NRG1: variants seen among roughly 807,000 people sequenced by gnomAD.
NRG1 encodes pro-neuregulin-1, membrane-bound isoform.
NRG1 carries 18 observed loss-of-function variants against 63.8 expected under a neutral mutation model. The observed-to-expected ratio is 0.28, with a 90% CI of 0.19 to 0.42. The LOEUF (loss-of-function observed/expected upper bound fraction) is 0.42, where lower values mean the gene tolerates loss of function less well. NRG1 is among the 10% of genes least tolerant of loss of function. The probability of loss-of-function intolerance (pLI) is 1.00; values close to 1 mark genes in which losing one functional copy is unlikely to be tolerated. For missense variants in NRG1, 762 were observed against 814.7 expected (o/e 0.94, Z 0.79); for synonymous variants, 302 against 301.3 (o/e 1.00, Z -0.02).
intron 1 of NRG1, among the ~76,000 whole-genome samples, chr8:32,253,659 T>C (rs1421566459): frequency 1.3e-5 from 2 of 152,158 alleles, no homozygotes; most frequent in Non-Finnish European, 1.5e-5. Context: ...TTTCTTTTTT[T>C]GTTTTGCCTC....
intron 1 of NRG1, among the ~76,000 whole-genome samples, chr8:31,891,546 G>A (rs1831145760): frequency 6.6e-6 from 1 of 152,160 alleles, no homozygotes; most frequent in Non-Finnish European, 1.5e-5. Context: ...TGCTGGGAAT[G>A]TAAAATAGTA....
intron 1 of NRG1, among the ~76,000 whole-genome samples, chr8:32,561,630 C>T (rs1345403362): frequency 6.6e-6 from 1 of 152,220 alleles, no homozygotes; most frequent in Admixed American, 6.5e-5. Flanking sequence ...ATCCTCAGTG[C>T]TTGTCCCTTG....
At chr8:32,266,467 G>C (rs1466857652) in intron 1 of NRG1, among the ~76,000 whole-genome samples, 1 of 152,142 alleles carries the variant, frequency 6.6e-6, no homozygotes, top group East Asian at 1.9e-4. Context: ...TTCCCAAACT[G>C]TCATGGATTT....
intron 1 of NRG1, among the ~76,000 whole-genome samples, chr8:32,371,362 C>T (rs547854347): frequency 6.6e-6 from 1 of 152,170 alleles, no homozygotes; most frequent in East Asian, 1.9e-4. Flanking sequence ...TCTGTGACTG[C>T]GTGGTCTTTG....
intron 1 of NRG1, among the ~76,000 whole-genome samples, chr8:32,261,301 T>A (rs1424068175): frequency 2.6e-5 from 4 of 151,990 alleles, no homozygotes; most frequent in African/African-American, 4.8e-5. Flanking sequence ...ACACGTGTGT[T>A]ACTACATGAT....
intron 1 of NRG1, among the ~76,000 whole-genome samples, chr8:32,299,045 A>AAAAAG (rs1554501325): frequency 1.0e-4 from 15 of 145,192 alleles, no homozygotes; most frequent in African/African-American, 2.4e-4. Flanking sequence ...AAAAAAAAAA[A>AAAAAG]AAAGAAAGAA....
chr8:32,465,498 C>T (rs1324048374), intron 1 of NRG1, among the ~76,000 whole-genome samples: 2 of 152,126 alleles, frequency 1.3e-5, no homozygotes, highest in Non-Finnish European at 2.9e-5. Context: ...TGACAGTTAA[C>T]GTTCTCAAAA....
At chr8:32,697,755 G>C (rs1813734854) in intron 5 of NRG1, among the ~76,000 whole-genome samples, 1 of 152,228 alleles carries the variant, frequency 6.6e-6, no homozygotes, top group African/African-American at 2.4e-5. Flanking sequence ...GAAATAAATT[G>C]CAGAAGCAGA....
rs148395604 is a variant in NRG1 at position 31,908,166 on chromosome 8, T to A, written c.37+268735T>A. Among the ~76,000 whole-genome samples, 545 of 152,308 alleles carry A rather than the reference T, an allele frequency of 3.6e-3. 7 individuals are homozygous for A. Among genetic ancestry groups the A allele is most frequent in the African/African-American group, 0.012 (517 of 41,568 alleles). Reference sequence around the variant, plus strand: ...TTTATAACTTATTTAGACTTAGTGATCTTTCTTTGCTCATTAACACCTCTC... The same window carrying A: ...TTTATAACTTATTTAGACTTAGTGAACTTTCTTTGCTCATTAACACCTCTC... On this transcript the variant is annotated intron_variant, in intron 1 of 10. Transcript: ENST00000519301.
intron 1 of NRG1, among the ~76,000 whole-genome samples, chr8:32,362,808 G>A (rs1807399499): frequency 6.6e-6 from 1 of 152,154 alleles, no homozygotes; most frequent in Non-Finnish European, 1.5e-5. Context: ...TGAAAAATCA[G>A]AAAAGATTGC....
In NRG1 at chr8:32,261,353, C is replaced by T. The variant is rs568939192; in HGVS notation, c.38-334475C>T. Among the ~76,000 whole-genome samples, 8 of 117,552 alleles carry T rather than the reference C, an allele frequency of 6.8e-5. 1 individual carries two copies. The Admixed American group carries it at 8.0e-4, about 12-fold the overall frequency. 77.1% of individuals were successfully genotyped at this position (117,552 alleles called of 152,430 possible). ...AAAAACAAGACCTCTACCTATGCTC[C>T]TATTAGTGTGTGTGTGTGTGTGTGT... On this transcript the variant is annotated intron_variant, in intron 1 of 10. Transcript: ENST00000519301.
At chr8:32,656,984 T>C (rs771218105) in intron 5 of NRG1, among the ~76,000 whole-genome samples, 2 of 152,058 alleles carry the variant, frequency 1.3e-5, no homozygotes, top group Non-Finnish European at 2.9e-5. Flanking sequence ...AAAGGAGAAA[T>C]TCATGAACTC....
rs1826495438 is a variant in NRG1, at chr8:32,742,252, C to T, written c.633-423C>T. ...TTTAACTGTCTCTCAAAGTGGGTCC[C>T]TAAGTCATCAATTTACAAGAATGGC... On this transcript the variant is annotated intron_variant, in intron 6 of 11. Coordinates refer to ENST00000356819, the Ensembl canonical transcript of NRG1. This position sits in a 1 kb window ranked among gnomAD's most constrained non-coding sequence, Gnocchi z 4.2. Among the ~76,000 whole-genome samples the T allele has an allele frequency of 1.3e-5, 2 of 152,024 alleles. No homozygotes were observed. Among genetic ancestry groups the T allele is most frequent in the Non-Finnish European group, 1.5e-5 (1 of 67,998 alleles).
At chr8:32,530,486 C>T (rs1248177373) in intron 1 of NRG1, among the ~76,000 whole-genome samples, 2 of 152,150 alleles carry the variant, frequency 1.3e-5, no homozygotes, top group African/African-American at 4.8e-5. Flanking sequence ...TATTTCCATA[C>T]AGTACTTCCA....
At chr8:31,950,827 TC>T (rs1356954566) in intron 1 of NRG1, among the ~76,000 whole-genome samples, 1 of 152,218 alleles carries the variant, frequency 6.6e-6, no homozygotes, top group East Asian at 1.9e-4. Flanking sequence ...AAACTTGCAT[TC>T]ATCAGCCTTG....
chr8:32,056,298 C>T (rs1359646226), intron 1 of NRG1, among the ~76,000 whole-genome samples: 1 of 152,064 alleles, frequency 6.6e-6, no homozygotes, highest in Non-Finnish European at 1.5e-5. Context: ...TTTAACATTC[C>T]CACCTCTACC....
At chr8:32,101,956 T>C (rs1439113929) in intron 1 of NRG1, among the ~76,000 whole-genome samples, 2 of 152,196 alleles carry the variant, frequency 1.3e-5, no homozygotes, top group African/African-American at 4.8e-5. Flanking sequence ...CAGTTCACTA[T>C]ATGATGTTTG....
At chr8:32,355,370 A>G (rs1459921236) in intron 1 of NRG1, among the ~76,000 whole-genome samples, 1 of 151,734 alleles carries the variant, frequency 6.6e-6, no homozygotes, top group African/African-American at 2.4e-5. Flanking sequence ...GAGGTGGGAG[A>G]CTCCCTTGAA....
intron 1 of NRG1, among the ~76,000 whole-genome samples, chr8:32,412,226 T>C (rs1455114684): frequency 1.3e-5 from 2 of 151,666 alleles, no homozygotes; most frequent in Admixed American, 6.6e-5. Flanking sequence ...AGGCTACTGG[T>C]TTTCAGACTA....
Sources: gnomAD v4.1 joint callset for allele counts (sites outside exome capture counted in the v4.1 genomes callset) on GRCh38, gnomAD v4.1.1 for gene constraint, Gnocchi (gnomAD v3.1) non-coding constraint, MANE v1.5 for transcripts, NCBI Gene and HGNC (gene_info 2026-07-23, HGNC 2026-07-21) for gene names.